Variants in LSAMP observed in about 807,000 individuals in gnomAD.
LSAMP encodes limbic system associated membrane protein.
In LSAMP, 7 loss-of-function variants were observed where a neutral mutation model predicts 38.6. That is an observed-to-expected ratio of 0.18 (90% CI 0.10 to 0.34). The LOEUF is 0.34. LSAMP is among the 10% of genes least tolerant of loss of function. The pLI is 1.00. For synonymous variants in LSAMP, 154 were observed against 166.8 expected (o/e 0.92, Z 0.59); for missense variants, 313 against 420.0 (o/e 0.75, Z 2.23).
intron 1 of LSAMP, among the ~76,000 whole-genome samples, chr3:116,216,011 G>C (rs531189669): frequency 1.3e-5 from 2 of 152,224 alleles, no homozygotes; most frequent in African/African-American, 4.8e-5. Flanking sequence ...GTATCACAAA[G>C]GTGCACATTA....
chr3:116,163,686 C>T (rs1471098283), intron 1 of LSAMP, among the ~76,000 whole-genome samples: 3 of 151,994 alleles, frequency 2.0e-5, no homozygotes, highest in African/African-American at 7.3e-5. Flanking sequence ...AGTTTATAGT[C>T]CCACCAACAG....
chr3:116,041,389 A>G (rs1001295961), intron 2 of LSAMP, among the ~76,000 whole-genome samples: 6 of 152,290 alleles, frequency 3.9e-5, no homozygotes, highest in African/African-American at 1.2e-4. Context: ...CCAAAGATTG[A>G]TGAAACACAT....
chr3:116,320,188 G>T (rs981807820), intron 1 of LSAMP, among the ~76,000 whole-genome samples: 1 of 152,156 alleles, frequency 6.6e-6, no homozygotes, highest in Non-Finnish European at 1.5e-5. Context: ...GCCAAGGCGG[G>T]TGGATCACGA....
At chr3:116,158,664 C>G (rs1576399991) in intron 1 of LSAMP, among the ~76,000 whole-genome samples, 1 of 151,904 alleles carries the variant, frequency 6.6e-6, no homozygotes, top group Non-Finnish European at 1.5e-5. Context: ...ACCTCTACAA[C>G]AACAATTACA....
chr3:115,916,132 T>G (rs1264194891), intron 3 of LSAMP, among the ~76,000 whole-genome samples: 2 of 151,902 alleles, frequency 1.3e-5, no homozygotes, highest in Non-Finnish European at 2.9e-5. Flanking sequence ...AATAGAGAGA[T>G]AAATGCAAGC....
intron 6 of LSAMP, among the ~76,000 whole-genome samples, chr3:115,836,624 G>C (rs184124784): frequency 6.6e-6 from 1 of 152,170 alleles, no homozygotes; most frequent in Non-Finnish European, 1.5e-5. Context: ...TCTTAGCAAG[G>C]TCTCTTAACT....
chr3:116,172,379 T>A (rs906972684), intron 1 of LSAMP, among the ~76,000 whole-genome samples: 3 of 151,800 alleles, frequency 2.0e-5, no homozygotes, highest in African/African-American at 4.8e-5. Context: ...TTGAAAGCTG[T>A]TAAGTTCTTT....
intron 1 of LSAMP, among the ~76,000 whole-genome samples, chr3:116,265,245 T>A (rs1483683198): frequency 6.6e-6 from 1 of 151,942 alleles, no homozygotes; most frequent in Non-Finnish European, 1.5e-5. Context: ...TGAGAAAGGG[T>A]CACTTAGAGA....
At chr3:116,105,444 A>G (rs1383412368) in intron 1 of LSAMP, among the ~76,000 whole-genome samples, 1 of 152,114 alleles carries the variant, frequency 6.6e-6, no homozygotes, top group African/African-American at 2.4e-5. Context: ...AGGTGGGCTG[A>G]GTCCGAAAGC....
At chr3:116,287,352 C>T (rs2047208543) in intron 1 of LSAMP, among the ~76,000 whole-genome samples, 1 of 152,148 alleles carries the variant, frequency 6.6e-6, no homozygotes, top group Admixed American at 6.6e-5. Context: ...AGAAGACGCA[C>T]TCCCAAGCAT....
At chr3:116,218,034 C>A (rs1032863410) in intron 1 of LSAMP, among the ~76,000 whole-genome samples, 6 of 152,134 alleles carry the variant, frequency 3.9e-5, no homozygotes, top group Non-Finnish European at 1.5e-5. Context: ...TGCTACTGAG[C>A]AGTCTGTTGA....
chr3:116,173,871 C>G (rs1402878598), intron 1 of LSAMP, among the ~76,000 whole-genome samples: 3 of 151,236 alleles, frequency 2.0e-5, no homozygotes. Context: ...TCCGAAGATG[C>G]ATTTCACACA....
chr3:116,278,074 A>C (rs1253824109), intron 1 of LSAMP, among the ~76,000 whole-genome samples: 1 of 152,198 alleles, frequency 6.6e-6, no homozygotes, highest in African/African-American at 2.4e-5. Context: ...TGTATTAAAG[A>C]GGGAAAGCAC....
intron 1 of LSAMP, among the ~76,000 whole-genome samples, chr3:116,137,421 A>G (rs1709275253): frequency 6.6e-6 from 1 of 152,128 alleles, no homozygotes; most frequent in Non-Finnish European, 1.5e-5. Context: ...CAAGTAATAA[A>G]CATTTCATTT....
intron 1 of LSAMP, among the ~76,000 whole-genome samples, chr3:116,138,089 A>G (rs1360537277): frequency 3.3e-5 from 5 of 152,160 alleles, no homozygotes; most frequent in African/African-American, 1.2e-4. Context: ...GGTCAGTGGT[A>G]GGTCTTGAGA....
chr3:115,858,471 G>C (rs554032042), intron 3 of LSAMP, among the ~76,000 whole-genome samples: 1 of 152,112 alleles, frequency 6.6e-6, no homozygotes, highest in Non-Finnish European at 1.5e-5. Context: ...AGAATTCCAA[G>C]GAAAGTATGT....
At chr3:116,390,303 T>G (rs926034977) in intron 1 of LSAMP, among the ~76,000 whole-genome samples, 2 of 152,118 alleles carry the variant, frequency 1.3e-5, no homozygotes, top group African/African-American at 4.8e-5. Context: ...CTTTGGAGAC[T>G]AAAGGTGCCA....
chr3:116,243,268 A>C (rs1184145183), intron 1 of LSAMP, among the ~76,000 whole-genome samples: 1 of 152,162 alleles, frequency 6.6e-6, no homozygotes, highest in African/African-American at 2.4e-5. Flanking sequence ...CCTGCCCTCT[A>C]ATTTCCCACC....
intron 1 of LSAMP, among the ~76,000 whole-genome samples, chr3:116,205,049 C>T (rs1292463300): frequency 7.0e-6 from 1 of 142,784 alleles, no homozygotes; most frequent in East Asian, 2.1e-4. Flanking sequence ...GAATGTTCTT[C>T]CATTTGTTTG....
Sources: gnomAD v4.1 joint callset for allele counts (sites outside exome capture counted in the v4.1 genomes callset) on GRCh38, gnomAD v4.1.1 for gene constraint, MANE v1.5 for transcripts, NCBI Gene and HGNC (gene_info 2026-07-23, HGNC 2026-07-21) for gene names.